GLUD1: variants seen among roughly 807,000 people sequenced by gnomAD.
GLUD1 encodes the protein glutamate dehydrogenase 1.
In GLUD1, 22 loss-of-function variants were observed where a neutral mutation model predicts 56.0. The observed-to-expected ratio is 0.39, with a 90% CI of 0.28 to 0.56. GLUD1 has a LOEUF of 0.56. GLUD1 is among the 20% of genes least tolerant of loss of function. GLUD1 has a pLI of 0.58. For missense variants in GLUD1, 451 were observed against 732.0 expected (o/e 0.62, Z 4.43); for synonymous variants, 223 against 269.9 (o/e 0.83, Z 1.70).
At chr10:87,062,063 T>C (rs940158007) in intron 6 of GLUD1, among the ~76,000 whole-genome samples, 4 of 152,178 alleles carry the variant, frequency 2.6e-5, no homozygotes, top group Admixed American at 1.3e-4. Context: ...ATTACAGGCG[T>C]GAGCCACCAC....
chr10:87,072,177 G>T (rs770663875), intron 4 of GLUD1, among the ~76,000 whole-genome samples: 1 of 152,164 alleles, frequency 6.6e-6, no homozygotes, highest in Non-Finnish European at 1.5e-5. Flanking sequence ...GGAGGGTGAG[G>T]TGAGAGGATT....
At chr10:87,067,343 T>C (rs1846105026) in intron 5 of GLUD1, among the ~76,000 whole-genome samples, 1 of 152,148 alleles carries the variant, frequency 6.6e-6, no homozygotes, top group African/African-American at 2.4e-5. Flanking sequence ...GGCTCAAGCA[T>C]GCCTCCCAGG....
Position 87,060,048 on chromosome 10 carries a change from G to C in GLUD1, c.1278+113C>G, listed in dbSNP as rs551455053. ...ACTATATTTTCTCAAAAGTGAAAAA[G>C]ATGAATTCACTAGAGCTTGGAGACT... On this transcript the variant is annotated intron_variant, in intron 9 of 12. Transcript: ENST00000277865. 14 of 759,394 alleles carry C rather than the reference G, an allele frequency of 1.8e-5. No homozygotes were observed. In the East Asian group the frequency reaches 3.5e-4, roughly 19 times the overall value. The allele number at this position is 759,394 out of a possible 1,614,324, so 47.0% of individuals were successfully genotyped here.
chr10:87,059,134 G>T lies in GLUD1; in HGVS notation c.1402+16C>A. ...TCAAAAGATGAGTTTTGGCGAACAA[G>T]ATTATCGATACTCACTGAGCAAGTG... On this transcript the variant is annotated intron_variant, in intron 10 of 12. Coordinates refer to ENST00000277865, the MANE Select transcript of GLUD1 (RefSeq NM_005271.5). The T allele has an allele frequency of 6.2e-7, 1 of 1,612,162 alleles. No homozygotes were observed. Among genetic ancestry groups the T allele is most frequent in the Non-Finnish European group, 8.5e-7 (1 of 1,179,882 alleles).
chr10:87,058,624 G>A (rs1845848997), intron 10 of GLUD1, among the ~76,000 whole-genome samples: 1 of 152,220 alleles, frequency 6.6e-6, no homozygotes, highest in Non-Finnish European at 1.5e-5. Context: ...TGGGCACAGT[G>A]GCTCACGCCT....
At chr10:87,070,957 GTC>G (rs1406221002) in intron 4 of GLUD1, among the ~76,000 whole-genome samples, 1 of 151,692 alleles carries the variant, frequency 6.6e-6, no homozygotes, top group Non-Finnish European at 1.5e-5. Flanking sequence ...GTGAAACCCT[GTC>G]TCTACTAAAA....
intron 11 of GLUD1, among the ~76,000 whole-genome samples, chr10:87,057,014 G>A (rs1845796281): frequency 6.6e-6 from 1 of 151,966 alleles, no homozygotes; most frequent in East Asian, 1.9e-4. Context: ...CGGCGGGAAC[G>A]GAGTATCTCT....
At position 87,094,616 on chromosome 10, in the gene GLUD1, G is replaced by T. The variant is rs750420022; in HGVS notation, c.154C>A (p.His52Asn). The change falls in exon 1 of 13, where the codon CAC becomes AAC. Residue 52 changes from histidine (H) to asparagine (N), a missense_variant. Around this residue, in one of 4 missense-constraint regions of GLUD1, gnomAD observed 158 missense variants for 189.7 expected, o/e 0.83. Coordinates refer to ENST00000277865, the MANE Select transcript of GLUD1 (RefSeq NM_005271.5). The surrounding 1 kb of genome is among the most constrained non-coding windows in gnomAD (Gnocchi z 6.6). ...CGGTCGGCCACCGCCTCGCTGTAGT[G>T]GCGCCGGGCGGCCAATGCCAGCCCC... ...QPGLALAARRHYSEAVADRED... is the reference protein window; with the variant it reads ...QPGLALAARRNYSEAVADRED... 3.1e-6 allele frequency: 5 copies of T among 1,610,186 alleles called. No homozygotes were observed. The Admixed American group carries it at 6.7e-5, about 21-fold the overall frequency.
intron 4 of GLUD1, among the ~76,000 whole-genome samples, chr10:87,073,533 T>C (rs2133822473): frequency 6.6e-6 from 1 of 152,196 alleles, no homozygotes; most frequent in South Asian, 2.1e-4. Flanking sequence ...TATTTTCTAT[T>C]TAAGTAGACC....
Position 87,073,790 on chromosome 10 carries a change from T to C in GLUD1, c.646+761A>G, listed in dbSNP as rs756822594. Among the ~76,000 whole-genome samples the C allele has an allele frequency of 3.3e-5, 5 of 152,078 alleles. No homozygotes were observed. In the South Asian group the frequency reaches 8.3e-4, roughly 25 times the overall value. The stretch of plus-strand genomic sequence containing the variant: ...CTCGCGACCACGCCTGGCAAATTTT[T>C]TGTGTTTTTAGTAGAGATGGGATTC... On this transcript the variant is annotated intron_variant, in intron 4 of 12. Transcript: ENST00000277865.
chr10:87,051,960 T>G, intron 12 of GLUD1, 90 bp from the exon 13 acceptor site: 2 of 1,454,368 alleles, frequency 1.4e-6, no homozygotes, highest in Non-Finnish European at 1.9e-6. Context: ...CTGGTCCAAG[T>G]TACCCTCTCA....
In GLUD1 at chr10:87,050,332, A is replaced by C. The variant is rs895697576; in HGVS notation, c.*1419T>G. On this transcript the variant is annotated 3_prime_UTR_variant, in exon 13 of 13. Coordinates refer to ENST00000277865, the MANE Select transcript of GLUD1 (RefSeq NM_005271.5). ...TAAAGCACCGAACAAAAAAAAAAAA[A>C]ACAATTCAAGAATAAAATCTGGGCA... Among the ~76,000 whole-genome samples, 34 of 152,132 alleles carry C rather than the reference A, an allele frequency of 2.2e-4. No homozygotes were observed. The highest frequency in any genetic ancestry group is 3.9e-4 in the Admixed American group (6 of 15,266).
chr10:87,082,468 C>A (rs1745057785), intron 1 of GLUD1, among the ~76,000 whole-genome samples: 1 of 152,188 alleles, frequency 6.6e-6, no homozygotes, highest in Non-Finnish European at 1.5e-5. Context: ...ACCTCTCACA[C>A]CACAGGCATT....
chr10:87,060,983 C>T lies in GLUD1; in HGVS notation c.991G>A (p.Gly331Ser), dbSNP rs763355176. Residue 331 changes from glycine (G) to serine (S), a missense_variant, in exon 7 of 13, where the codon GGT (glycine) becomes AGT (serine). By Grantham distance (56) the Gly-to-Ser change is moderately conservative. Transcript: ENST00000277865. ...HRFGAKCIAVGESDGSIWNPD... is the reference protein window; with the variant it reads ...HRFGAKCIAVSESDGSIWNPD... ...TTCCATATACTCCCATCAGACTCAC[C>T]AACAGCAATACATTTAGCACCAAAA... 6.2e-7 allele frequency: 1 copy of T among 1,613,878 alleles called. No homozygotes were observed. Among genetic ancestry groups the T allele is most frequent in the Non-Finnish European group, 8.5e-7 (1 of 1,179,810 alleles).
At chr10:87,061,259 C>G (rs145369675) in intron 6 of GLUD1, 1 of 679,864 alleles carries the variant, frequency 1.5e-6, no homozygotes, top group South Asian at 1.5e-5. Context: ...TGGTGGCTCA[C>G]GCTTGTAATT....
At chr10:87,064,388 G>C (rs1355247474) in intron 5 of GLUD1, among the ~76,000 whole-genome samples, 2 of 152,038 alleles carry the variant, frequency 1.3e-5, no homozygotes, top group East Asian at 3.9e-4. Flanking sequence ...GGAGAAACTA[G>C]AGACAGTCTT....
chr10:87,065,072 G>A (rs1266006780), intron 5 of GLUD1, among the ~76,000 whole-genome samples: 4 of 151,984 alleles, frequency 2.6e-5, no homozygotes, highest in Admixed American at 6.6e-5. Context: ...CTGTTCACCA[G>A]TATAGTTGCT....
Position 87,094,303 on chromosome 10 carries a change from A to G in GLUD1, c.445+22T>C. On this transcript the variant is annotated intron_variant, in intron 1 of 12. Transcript: ENST00000277865. The surrounding 1 kb of genome is among the most constrained non-coding windows in gnomAD (Gnocchi z 6.6). ...CCGCAGGGGAGGCAGGGAGGGCGGG[A>G]CGGGGCCCGGCCGACGCTCACCTCC... 6.3e-7 allele frequency: 1 copy of G among 1,584,628 alleles called. No individual in the cohort carries two copies. The highest frequency in any genetic ancestry group is 8.6e-7 in the Non-Finnish European group (1 of 1,166,754).
chr10:87,089,612 G>A (rs1344231717), intron 1 of GLUD1: 4 of 985,282 alleles, frequency 4.1e-6, no homozygotes, highest in Non-Finnish European at 4.8e-6. Flanking sequence ...TGTGGCTGCA[G>A]AATCTTCTAG....
Sources: gnomAD v4.1 joint callset for allele counts (sites outside exome capture counted in the v4.1 genomes callset) on GRCh38, gnomAD v4.1.1 for gene constraint, gnomAD v4.1.1 regional missense constraint, Gnocchi (gnomAD v3.1) non-coding constraint, MANE v1.5 for transcripts, NCBI Gene and HGNC (gene_info 2026-07-23, HGNC 2026-07-21) for gene names.